The following ZNF704 variants were observed in gnomAD, a reference collection of about 807,000 sequenced individuals.
The protein encoded by ZNF704 is zinc finger protein 704.
A neutral mutation model predicts 44.7 loss-of-function variants in ZNF704; 10 were observed. The observed-to-expected ratio is 0.22, with a 90% CI of 0.14 to 0.38. ZNF704 has a LOEUF of 0.38. Among genes scored for constraint, ZNF704 ranks in the 10% least tolerant of loss-of-function variants. The pLI is 1.00. For missense variants in ZNF704, 390 were observed against 545.5 expected (o/e 0.71, Z 2.84); for synonymous variants, 211 against 207.6 (o/e 1.02, Z -0.14).
chr8:80,782,754 G>A (rs1007015147), intron 2 of ZNF704, among the ~76,000 whole-genome samples: 3 of 152,102 alleles, frequency 2.0e-5, no homozygotes, highest in South Asian at 2.1e-4. Flanking sequence ...AAGTACAGTC[G>A]CTGCTTGGTA....
At chr8:80,779,691 T>C (rs751017791) in intron 2 of ZNF704, among the ~76,000 whole-genome samples, 5 of 151,926 alleles carry the variant, frequency 3.3e-5, no homozygotes, top group Non-Finnish European at 7.4e-5. Flanking sequence ...CATTTCACAT[T>C]AAGAATATTT....
intron 1 of ZNF704, among the ~76,000 whole-genome samples, chr8:80,843,537 A>G (rs1808715500): frequency 6.6e-6 from 1 of 152,264 alleles, no homozygotes; most frequent in South Asian, 2.1e-4. Flanking sequence ...AGTTGTTTAC[A>G]GCCAGAAACA....
chr8:80,864,921 T>C lies in ZNF704; in HGVS notation c.-22+9650A>G, dbSNP rs540649265. ...TTCTCCAATACAACCACTATAGATC[T>C]GAACAAACTGATGAACATAAGAGAT... is the stretch of plus-strand genomic sequence containing the variant. On this transcript the variant is annotated intron_variant, in intron 1 of 8. Transcript: ENST00000327835. Among the ~76,000 whole-genome samples, 4 of 152,316 alleles carry C rather than the reference T, an allele frequency of 2.6e-5. No individual in the cohort carries two copies. The South Asian group carries it at 8.3e-4, about 32-fold the overall frequency.
intron 2 of ZNF704, among the ~76,000 whole-genome samples, chr8:80,739,012 T>C (rs1234370440): frequency 1.3e-5 from 2 of 152,212 alleles, no homozygotes; most frequent in African/African-American, 4.8e-5. Context: ...TAGTTTACTC[T>C]TTCCCTGTTC....
intron 1 of ZNF704, among the ~76,000 whole-genome samples, chr8:80,830,392 A>T (rs1808450327): frequency 6.6e-6 from 1 of 152,180 alleles, no homozygotes; most frequent in Non-Finnish European, 1.5e-5. Context: ...GGAAAATATA[A>T]TTCCATTCAT....
chr8:80,646,206 G>A (rs1218808778), intron 7 of ZNF704, among the ~76,000 whole-genome samples: 1 of 152,208 alleles, frequency 6.6e-6, no homozygotes, highest in Non-Finnish European at 1.5e-5. Flanking sequence ...AGGGCCAGGA[G>A]TGGTAGCTTA....
At chr8:80,788,111 A>T (rs1004062968) in intron 2 of ZNF704, among the ~76,000 whole-genome samples, 22 of 152,234 alleles carry the variant, frequency 1.4e-4, no homozygotes, top group African/African-American at 4.6e-4. Flanking sequence ...ATTTCATGCA[A>T]TATGCAGTGA....
At position 80,824,616 on chromosome 8, in the gene ZNF704, T is replaced by C. The variant is rs1373897258; in HGVS notation, c.-21-3001A>G. Among the ~76,000 whole-genome samples the C allele has an allele frequency of 2.6e-5, 4 of 152,098 alleles. No individual in the cohort carries two copies. The East Asian group carries it at 7.7e-4, about 29-fold the overall frequency. On this transcript the variant is annotated intron_variant, in intron 1 of 8. Transcript: ENST00000327835. ...TTGAGAAGAGCAACTCCAAGACACATAATTGTCAGATTCACCAAAGCTGAA... is the reference window on the plus strand; with the variant it reads ...TTGAGAAGAGCAACTCCAAGACACACAATTGTCAGATTCACCAAAGCTGAA...
rs1817570144 is a variant in ZNF704 at position 80,630,710 on chromosome 8, T to C, written c.*10656A>G. The C allele has an allele frequency of 6.6e-6, 1 of 152,194 alleles. No homozygotes were observed. Among genetic ancestry groups the C allele is most frequent in the Non-Finnish European group, 1.5e-5 (1 of 68,028 alleles). The allele number at this position is 152,194 out of a possible 1,614,324, so 9.4% of individuals were successfully genotyped here. On this transcript the variant is annotated 3_prime_UTR_variant, in exon 9 of 9. Coordinates refer to ENST00000327835, the MANE Select transcript of ZNF704 (RefSeq NM_001033723.3). The stretch of plus-strand genomic sequence containing the variant: ...GGGACCTAGCGATTTTTTCTTATCC[T>C]GAGTTCTTCTTCTAAGTATATAGGA...
rs1000225034 is a variant in ZNF704 at position 80,630,238 on chromosome 8, A to T, written c.*11128T>A. Reference sequence around the variant, plus strand: ...CATTAAAGACTTCTGTTAAGCAAGTACTTACCTCTGAATGGTGGTAAAATT... The same window carrying T: ...CATTAAAGACTTCTGTTAAGCAAGTTCTTACCTCTGAATGGTGGTAAAATT... On this transcript the variant is annotated 3_prime_UTR_variant, in exon 9 of 9. Coordinates refer to ENST00000327835, the MANE Select transcript of ZNF704 (RefSeq NM_001033723.3). 1 of 152,270 alleles carries T rather than the reference A, an allele frequency of 6.6e-6. No homozygotes were observed. Among genetic ancestry groups the T allele is most frequent in the African/African-American group, 2.4e-5 (1 of 41,466 alleles). The allele number at this position is 152,270 out of a possible 1,614,324, so 9.4% of individuals were successfully genotyped here. A position where few individuals can be genotyped will look rare whatever the true frequency, so the allele number is the denominator to read the frequency against.
chr8:80,788,713 C>T (rs987417061), intron 2 of ZNF704, among the ~76,000 whole-genome samples: 1 of 152,154 alleles, frequency 6.6e-6, no homozygotes, highest in African/African-American at 2.4e-5. Flanking sequence ...TTTACGACAC[C>T]TGAGCCACTG....
At chr8:80,809,158 G>A (rs1401544427) in intron 2 of ZNF704, among the ~76,000 whole-genome samples, 3 of 152,162 alleles carry the variant, frequency 2.0e-5, no homozygotes, top group Non-Finnish European at 4.4e-5. Flanking sequence ...AGGCGTGGTG[G>A]CATACACCTG....
intron 2 of ZNF704, among the ~76,000 whole-genome samples, chr8:80,743,548 G>A (rs923242247): frequency 2.6e-5 from 4 of 152,224 alleles, no homozygotes; most frequent in Admixed American, 6.5e-5. Context: ...GGGCTTCAGC[G>A]CTGAGAGCAG....
chr8:80,880,254 C>A, the ZNF704 span, among the ~76,000 whole-genome samples: 1 of 152,304 alleles, frequency 6.6e-6, no homozygotes, highest in East Asian at 1.9e-4. Context: ...TTCTGGATGG[C>A]CCAGTCCGAA....
At position 80,663,073 on chromosome 8, in the gene ZNF704, C is replaced by G. The variant is rs938565441; in HGVS notation, c.927+1742G>C. 2.6e-5 allele frequency among the ~76,000 whole-genome samples: 4 copies of G among 151,972 alleles called. No homozygotes were observed. The South Asian group carries it at 6.2e-4, about 24-fold the overall frequency. ...TGAATGTATTAACATTGTATAAAAA[C>G]AAATCAACATTTAAAAGAATTAATG... On this transcript the variant is annotated intron_variant, in intron 6 of 8. Transcript: ENST00000327835.
At chr8:80,657,196 A>T (rs1475609520) in intron 7 of ZNF704, among the ~76,000 whole-genome samples, 1 of 152,156 alleles carries the variant, frequency 6.6e-6, no homozygotes, top group Non-Finnish European at 1.5e-5. Flanking sequence ...GCATGGCCAG[A>T]GAGTTTAGCA....
intron 2 of ZNF704, among the ~76,000 whole-genome samples, chr8:80,697,274 A>G (rs1818741531): frequency 1.3e-5 from 2 of 152,188 alleles, no homozygotes; most frequent in Non-Finnish European, 2.9e-5. Context: ...TCCATGGAAC[A>G]TTCATGAACC....
At chr8:80,796,599 C>T (rs896243798) in intron 2 of ZNF704, among the ~76,000 whole-genome samples, 1 of 152,160 alleles carries the variant, frequency 6.6e-6, no homozygotes, top group Non-Finnish European at 1.5e-5. Context: ...TCACTGGTTC[C>T]AGGATCAACT....
At chr8:80,836,481 C>T (rs1808584612) in intron 1 of ZNF704, among the ~76,000 whole-genome samples, 1 of 152,150 alleles carries the variant, frequency 6.6e-6, no homozygotes, top group Admixed American at 6.5e-5. Flanking sequence ...ATATCAGCTA[C>T]AGAATTATCA....
Sources: gnomAD v4.1 joint callset for allele counts (sites outside exome capture counted in the v4.1 genomes callset) on GRCh38, gnomAD v4.1.1 for gene constraint, MANE v1.5 for transcripts, NCBI Gene and HGNC (gene_info 2026-07-23, HGNC 2026-07-21) for gene names.